TNFSF10: variants seen among roughly 807,000 people sequenced by gnomAD.
TNFSF10 encodes the protein tumor necrosis factor ligand superfamily member 10.
Under a neutral mutation model 29.5 loss-of-function variants are expected in TNFSF10, and 13 were observed. That is an observed-to-expected ratio of 0.44 (90% CI 0.29 to 0.70). TNFSF10 has a LOEUF of 0.70. Ranked by LOEUF, TNFSF10 falls within the 30% of genes least tolerant of loss-of-function variation. The pLI is 0.13. For synonymous variants in TNFSF10, 111 were observed against 112.8 expected (o/e 0.98, Z 0.10); for missense variants, 345 against 330.9 (o/e 1.04, Z -0.33).
At chr3:172,507,165 T>C in intron 4 of TNFSF10, 1 of 486,680 alleles carries the variant, frequency 2.1e-6, no homozygotes, top group Non-Finnish European at 3.6e-6. Flanking sequence ...TTATACCTTG[T>C]CAGCTGCTTA....
At position 172,511,618 on chromosome 3, in the gene TNFSF10, T is replaced by C; in HGVS notation, c.312A>G (p.Gln104=). The C allele has an allele frequency of 6.2e-7, 1 of 1,610,014 alleles. No homozygotes were observed. The highest frequency in any genetic ancestry group is 8.5e-7 in the Non-Finnish European group (1 of 1,178,262). Residue 104 remains glutamine, a splice_region_variant and synonymous_variant, in exon 3 of 5, where the codon CAA becomes CAG. Coordinates refer to ENST00000241261, the MANE Select transcript of TNFSF10 (RefSeq NM_003810.4). The stretch of plus-strand genomic sequence containing the variant: ...AAATAACAACAAAAAAGATACTACC[T>C]TGAACTGTAGAAATGGTTTCCTCAG... ...RTSEETISTV[Q]EKQQNISPLV... is the part of the protein sequence containing the mutation.
At chr3:172,509,973 C>T (rs543108886) in intron 3 of TNFSF10, among the ~76,000 whole-genome samples, 96 of 108,572 alleles carry the variant, frequency 8.8e-4, no homozygotes, top group African/African-American at 4.1e-3. Flanking sequence ...AGCAAGACTC[C>T]GTCAAAAAAA....
chr3:172,518,422 G>C (rs1713534014), intron 1 of TNFSF10: 1 of 1,289,246 alleles, frequency 7.8e-7, no homozygotes. Flanking sequence ...CAATGACCCT[G>C]TCTGCTGCCC....
At chr3:172,515,579 A>G (rs4894559) in intron 1 of TNFSF10, among the ~76,000 whole-genome samples, 117,786 of 152,146 alleles carry the variant, frequency 0.77, 46,263 homozygotes, top group African/African-American at 0.9. Context: ...CCATGTTGCC[A>G]CTAGAAATCT....
intron 2 of TNFSF10, among the ~76,000 whole-genome samples, chr3:172,514,549 C>T (rs1007241084): frequency 1.3e-5 from 2 of 151,994 alleles, no homozygotes; most frequent in African/African-American, 4.8e-5. Context: ...ACTTTGTGAC[C>T]TTCTCTTCAT....
intron 1 of TNFSF10, among the ~76,000 whole-genome samples, chr3:172,521,777 A>G (rs541493440): frequency 6.6e-6 from 1 of 152,376 alleles, no homozygotes; most frequent in Admixed American, 6.5e-5. Context: ...TACAATAGCA[A>G]AGACTTGGAA....
In TNFSF10 at chr3:172,506,758, C is replaced by T; in HGVS notation, c.580G>A (p.Glu194Lys). 6.2e-7 allele frequency: 1 copy of T among 1,614,162 alleles called. No homozygotes were observed. The highest frequency in any genetic ancestry group is 8.5e-7 in the Non-Finnish European group (1 of 1,180,042). Residue 194 changes from glutamate (E) to lysine (K), a missense_variant, in exon 5 of 5, where the codon GAG (glutamate) becomes AAG (lysine). By Grantham distance (56) the Glu-to-Lys change is moderately conservative (BLOSUM62 1). Coordinates refer to ENST00000241261, the MANE Select transcript of TNFSF10 (RefSeq NM_003810.4). ...TTCTTTGTGTTTTCTTTTATTTCCT[C>T]CTGAAATCGAAAGTATGTTTGGGAA... ...IYSQTYFRFQ[E>K]EIKENTKNDK...
Position 172,523,208 on chromosome 3 carries a change from A to AG in TNFSF10, c.132+44_132+45insC, listed in dbSNP as rs752581015. 1.8e-5 allele frequency: 27 copies of AG among 1,539,604 alleles called. No homozygotes were observed. In the Admixed American group the frequency reaches 3.3e-4, roughly 19 times the overall value. ...CATGCAAAGAAGCAGGTAACCAGAC[A>AG]TTTGCTAAGCGCCTCGAAGACTGAG... On this transcript the variant is annotated intron_variant, in intron 1 of 4. Coordinates refer to ENST00000241261, the MANE Select transcript of TNFSF10 (RefSeq NM_003810.4).
At position 172,505,712 on chromosome 3, in the gene TNFSF10, C is replaced by T. The variant is rs565772376; in HGVS notation, c.*780G>A. 6.7e-5 allele frequency: 10 copies of T among 148,544 alleles called. No homozygotes were observed. In the South Asian group the frequency reaches 1.3e-3, roughly 19 times the overall value. The allele number at this position is 148,544 out of a possible 1,614,324, so 9.2% of individuals were successfully genotyped here. A position where few individuals can be genotyped will look rare whatever the true frequency, so the allele number is the denominator to read the frequency against. ...TAGAATTTTATTGAAAAAAATAACACGTACTTACTGAAGTTTTTTTTTTTT... is the reference window on the plus strand; with the variant it reads ...TAGAATTTTATTGAAAAAAATAACATGTACTTACTGAAGTTTTTTTTTTTT... On this transcript the variant is annotated 3_prime_UTR_variant, in exon 5 of 5. Transcript: ENST00000241261.
chr3:172,518,103 C>G (rs1001616021), intron 1 of TNFSF10: 1 of 1,012,220 alleles, frequency 9.9e-7, no homozygotes. Context: ...CTTTCCACTT[C>G]AAAATATGAG....
Position 172,515,010 on chromosome 3 carries a change from T to A in TNFSF10, c.133-12A>T, listed in dbSNP as rs1403371404. Reference sequence around the variant, plus strand: ...TACTTGTCCTGCATCTGGGTTGAGATGGAATATAACACAATATTTTGCATA... The same window carrying A: ...TACTTGTCCTGCATCTGGGTTGAGAAGGAATATAACACAATATTTTGCATA... On this transcript the variant is annotated splice_polypyrimidine_tract_variant and intron_variant, in intron 1 of 4. Coordinates refer to ENST00000241261, the MANE Select transcript of TNFSF10 (RefSeq NM_003810.4). 6.2e-7 allele frequency: 1 copy of A among 1,614,092 alleles called. No homozygotes were observed. The highest frequency in any genetic ancestry group is 1.1e-5 in the South Asian group (1 of 91,070).
chr3:172,510,669 C>G (rs367805663), intron 3 of TNFSF10, among the ~76,000 whole-genome samples: 28 of 151,862 alleles, frequency 1.8e-4, no homozygotes, highest in African/African-American at 6.5e-4. Context: ...GTACATGCAT[C>G]TATCTGCTGT....
At chr3:172,507,209 A>T (rs1713026946) in intron 4 of TNFSF10, 1 of 360,478 alleles carries the variant, frequency 2.8e-6, no homozygotes, top group Admixed American at 4.4e-5. Context: ...TGGTAGCACA[A>T]GGGATGGCCC....
At chr3:172,515,464 G>T (rs1713389814) in intron 1 of TNFSF10, among the ~76,000 whole-genome samples, 1 of 152,174 alleles carries the variant, frequency 6.6e-6, no homozygotes, top group South Asian at 2.1e-4. Flanking sequence ...ATAAAAAACA[G>T]CCAAGTCATT....
chr3:172,513,500 C>T (rs970387210), intron 2 of TNFSF10, among the ~76,000 whole-genome samples: 1 of 152,302 alleles, frequency 6.6e-6, no homozygotes, highest in Admixed American at 6.5e-5. Context: ...CCAGGGCAGC[C>T]ACAGAACAGG....
intron 1 of TNFSF10, chr3:172,518,012 A>C (rs1385960879): frequency 3.0e-6 from 3 of 987,470 alleles, no homozygotes; most frequent in Admixed American, 6.1e-5. Flanking sequence ...GTGACTAGAC[A>C]CATGGCGGGT....
At chr3:172,515,796 C>T (rs954398611) in intron 1 of TNFSF10, among the ~76,000 whole-genome samples, 6 of 152,074 alleles carry the variant, frequency 3.9e-5, no homozygotes, top group Admixed American at 2.6e-4. Context: ...CATCCCAAAC[C>T]ACCCAGAACT....
intron 2 of TNFSF10, among the ~76,000 whole-genome samples, chr3:172,512,563 G>A (rs1057104060): frequency 3.3e-5 from 5 of 152,196 alleles, no homozygotes; most frequent in Non-Finnish European, 5.9e-5. Context: ...GCCGGATAAT[G>A]GGGGCAGGGA....
In TNFSF10 at chr3:172,506,027, C is replaced by G. The variant is rs562171373; in HGVS notation, c.*465G>C. The G allele has an allele frequency of 2.8e-4, 43 of 154,322 alleles. No individual in the cohort carries two copies. In the South Asian group the frequency reaches 8.8e-3, roughly 31 times the overall value. 9.6% of individuals were successfully genotyped at this position (154,322 alleles called of 1,614,324 possible). ...GGTGTGAGCCACTGCACCAGGCAAA[C>G]TGCGATCTTTTAGTGGTGCCTCTTC... On this transcript the variant is annotated 3_prime_UTR_variant, in exon 5 of 5. Coordinates refer to ENST00000241261, the MANE Select transcript of TNFSF10 (RefSeq NM_003810.4).
Sources: gnomAD v4.1 joint callset for allele counts (sites outside exome capture counted in the v4.1 genomes callset) on GRCh38, gnomAD v4.1.1 for gene constraint, MANE v1.5 for transcripts, NCBI Gene and HGNC (gene_info 2026-07-23, HGNC 2026-07-21) for gene names.